The following GRID2 variants were observed in gnomAD, a reference collection of about 807,000 sequenced individuals.
GRID2 encodes glutamate receptor ionotropic, delta-2.
Under a neutral mutation model 114.8 loss-of-function variants are expected in GRID2, and 33 were observed. That is an observed-to-expected ratio of 0.29 (90% CI 0.22 to 0.38). GRID2 has a LOEUF of 0.38. Ranked by LOEUF, GRID2 falls within the 10% of genes least tolerant of loss-of-function variation. The probability of loss-of-function intolerance (pLI) is 1.00; values close to 1 mark genes in which losing one functional copy is unlikely to be tolerated. For synonymous variants in GRID2, 505 were observed against 449.9 expected (o/e 1.12, Z -1.55); for missense variants, 1,184 against 1,257.7 (o/e 0.94, Z 0.89).
At chr4:93,293,423 T>C (rs56358259) in intron 8 of GRID2, among the ~76,000 whole-genome samples, 5,439 of 152,090 alleles carry the variant, frequency 0.036, 350 homozygotes, top group African/African-American at 0.12. Flanking sequence ...AAGACAAAAA[T>C]AAGTGAATTA....
At chr4:92,904,653 T>A (rs1326706062) in intron 2 of GRID2, among the ~76,000 whole-genome samples, 1 of 151,972 alleles carries the variant, frequency 6.6e-6, no homozygotes, top group Non-Finnish European at 1.5e-5. Flanking sequence ...AATGCTTATA[T>A]AAATTAGATG....
chr4:93,729,608 C>T (rs1391685924), intron 14 of GRID2, among the ~76,000 whole-genome samples: 1 of 151,742 alleles, frequency 6.6e-6, no homozygotes, highest in African/African-American at 2.4e-5. Flanking sequence ...TGCAGTGGCA[C>T]GATCTTGGCT....
chr4:92,717,594 T>G (rs1735612426), intron 2 of GRID2, among the ~76,000 whole-genome samples: 2 of 152,222 alleles, frequency 1.3e-5, no homozygotes, highest in Non-Finnish European at 1.5e-5. Context: ...TATACTTAAA[T>G]GAAGCACACA....
intron 2 of GRID2, among the ~76,000 whole-genome samples, chr4:93,051,386 C>T (rs1726695449): frequency 6.6e-6 from 1 of 151,974 alleles, no homozygotes. Flanking sequence ...TTCATCTTTC[C>T]CTCTGTCCCC....
chr4:92,960,026 GA>G (rs1752696086), intron 2 of GRID2, among the ~76,000 whole-genome samples: 3 of 150,972 alleles, frequency 2.0e-5, no homozygotes, highest in East Asian at 1.9e-4. Context: ...GGAGAGAAGA[GA>G]AAAAAAGGGG....
intron 2 of GRID2, among the ~76,000 whole-genome samples, chr4:92,689,403 A>G (rs1734071115): frequency 1.3e-5 from 2 of 152,120 alleles, no homozygotes; most frequent in South Asian, 4.1e-4. Flanking sequence ...TTCATCTATG[A>G]TCTTAGCTAG....
intron 1 of GRID2, among the ~76,000 whole-genome samples, chr4:92,330,244 C>T (rs773395365): frequency 6.6e-6 from 1 of 152,060 alleles, no homozygotes; most frequent in African/African-American, 2.4e-5. Context: ...TCACACCCTC[C>T]GTTTTTTAGT....
chr4:93,164,882 T>C (rs1252747566), intron 4 of GRID2: 1 of 265,786 alleles, frequency 3.8e-6, no homozygotes, highest in Non-Finnish European at 8.1e-6. Flanking sequence ...GATATTGACG[T>C]GTTAAGGAAA....
chr4:93,241,253 T>G (rs1211802898), intron 8 of GRID2, among the ~76,000 whole-genome samples: 1 of 151,764 alleles, frequency 6.6e-6, no homozygotes, highest in Non-Finnish European at 1.5e-5. Context: ...AACTGTAGAT[T>G]CTTGTGAATT....
chr4:93,759,775 AGATGTGT>A (rs1733052893), intron 14 of GRID2, among the ~76,000 whole-genome samples: 1 of 152,214 alleles, frequency 6.6e-6, no homozygotes, highest in South Asian at 2.1e-4. Context: ...GGGGACATAA[AGATGTGT>A]CATACAAAGT....
In GRID2 at chr4:93,447,905, C is replaced by A. The variant is rs1040960799; in HGVS notation, c.1546-7757C>A. Among the ~76,000 whole-genome samples the A allele has an allele frequency of 2.0e-5, 3 of 151,916 alleles. No individual in the cohort carries two copies. The East Asian group carries it at 5.8e-4, about 30-fold the overall frequency. On this transcript the variant is annotated intron_variant, in intron 10 of 15. Transcript: ENST00000282020. ...GATAATTGAATTCTTTTACAAAATT[C>A]TTTTGGATATGAATATCCAAAAATC... is the stretch of plus-strand genomic sequence containing the variant.
intron 9 of GRID2, among the ~76,000 whole-genome samples, chr4:93,406,428 T>C (rs1392424912): frequency 6.6e-6 from 1 of 152,164 alleles, no homozygotes; most frequent in East Asian, 1.9e-4. Flanking sequence ...TGGCGCATAT[T>C]ATCTCATTTT....
At chr4:93,564,123 A>C (rs1735185434) in intron 13 of GRID2, among the ~76,000 whole-genome samples, 1 of 151,958 alleles carries the variant, frequency 6.6e-6, no homozygotes, top group Non-Finnish European at 1.5e-5. Flanking sequence ...AAAAGGTAGA[A>C]GATATTATTA....
At chr4:92,529,916 C>G (rs1323246851) in intron 1 of GRID2, among the ~76,000 whole-genome samples, 2 of 151,902 alleles carry the variant, frequency 1.3e-5, no homozygotes, top group Non-Finnish European at 2.9e-5. Context: ...TAGACAAATC[C>G]CGGCTACAAT....
At chr4:93,203,620 A>G (rs576065160) in intron 4 of GRID2, among the ~76,000 whole-genome samples, 17 of 152,218 alleles carry the variant, frequency 1.1e-4, no homozygotes, top group South Asian at 2.1e-4. Flanking sequence ...TATTAAGATT[A>G]GAAAAAGTGC....
chr4:92,905,822 CAA>C (rs1473175114), intron 2 of GRID2, among the ~76,000 whole-genome samples: 1 of 146,254 alleles, frequency 6.8e-6, no homozygotes, highest in Non-Finnish European at 1.5e-5. Context: ...TCAGAGGACT[CAA>C]AGTTTGCAAT....
intron 8 of GRID2, among the ~76,000 whole-genome samples, chr4:93,385,821 A>C (rs572761004): frequency 6.6e-6 from 1 of 152,162 alleles, no homozygotes; most frequent in Non-Finnish European, 1.5e-5. Context: ...CGAGAAACTA[A>C]GGTTTTTAAA....
At chr4:92,764,401 T>G (rs1738162166) in intron 2 of GRID2, among the ~76,000 whole-genome samples, 1 of 152,186 alleles carries the variant, frequency 6.6e-6, no homozygotes, top group Admixed American at 6.5e-5. Context: ...CCCAAGGACT[T>G]ACAATTGGGT....
In GRID2 at chr4:92,958,091, C is replaced by T. The variant is rs575647773; in HGVS notation, c.245-126904C>T. Among the ~76,000 whole-genome samples, 176 of 152,050 alleles carry T rather than the reference C, an allele frequency of 1.2e-3. 1 individual carries two copies. Among genetic ancestry groups the T allele is most frequent in the African/African-American group, 4.0e-3 (166 of 41,516 alleles). ...TTGGATTTCCTACATAATGATATCACCTGTGTACAAAGACACTTTTAATTC... is the reference window on the plus strand; with the variant it reads ...TTGGATTTCCTACATAATGATATCATCTGTGTACAAAGACACTTTTAATTC... On this transcript the variant is annotated intron_variant, in intron 2 of 15. Coordinates refer to ENST00000282020, the MANE Select transcript of GRID2 (RefSeq NM_001510.4).
Sources: gnomAD v4.1 joint callset for allele counts (sites outside exome capture counted in the v4.1 genomes callset) on GRCh38, gnomAD v4.1.1 for gene constraint, MANE v1.5 for transcripts, NCBI Gene and HGNC (gene_info 2026-07-23, HGNC 2026-07-21) for gene names.